TENT5D: variants seen among roughly 807,000 people sequenced by gnomAD.
TENT5D encodes the protein terminal nucleotidyltransferase 5D, also known as cancer/testis antigen 112.
For synonymous variants in TENT5D, 103 were observed against 100.6 expected, an observed-to-expected ratio of 1.02 and a Z score of -0.15; for missense variants, 191 against 287.0, an observed-to-expected ratio of 0.67 and a Z score of 2.42.
chrX:80,437,243 G>T (rs776791232), intron 1 of TENT5D, among the ~76,000 whole-genome samples: 1 of 111,936 alleles, frequency 8.9e-6, no homozygotes, highest in Non-Finnish European at 1.9e-5. Flanking sequence ...TCATCATGGA[G>T]CCAGACACAA....
intron 3 of TENT5D, among the ~76,000 whole-genome samples, chrX:80,360,753 A>T (rs959422138): frequency 8.9e-6 from 1 of 111,939 alleles, no homozygotes; most frequent in Non-Finnish European, 1.9e-5. Context: ...ATATTGGAAG[A>T]ACCAAGGAAA....
intron 3 of TENT5D, among the ~76,000 whole-genome samples, chrX:80,380,560 GTTAAACTCTCCCATTA>G (rs1930841609): frequency 9.0e-6 from 1 of 110,894 alleles, no homozygotes; most frequent in African/African-American, 3.3e-5. Context: ...ACAGTGGGGT[GTTAAACTCTCCCATTA>G]TTATTGTGTG....
intron 1 of TENT5D, among the ~76,000 whole-genome samples, chrX:80,422,471 C>CA (rs909481925): frequency 3.2e-4 from 35 of 108,251 alleles, no homozygotes; most frequent in South Asian, 4.0e-4. Flanking sequence ...GACTATGTCT[C>CA]AAAAAAAAAA....
chrX:80,434,949 A>AT (rs1322842667), intron 1 of TENT5D, among the ~76,000 whole-genome samples: 2 of 108,715 alleles, frequency 1.8e-5, no homozygotes, highest in African/African-American at 6.7e-5. Flanking sequence ...TGCCCAGCTA[A>AT]TTTTTTTGTA....
intron 2 of TENT5D, among the ~76,000 whole-genome samples, chrX:80,439,582 A>G (rs1226835675): frequency 3.6e-5 from 4 of 111,126 alleles, no homozygotes; most frequent in Non-Finnish European, 7.6e-5. Flanking sequence ...CACTGCATTG[A>G]TATTGTACAT....
At chrX:80,346,579 C>T (rs1930067164) in intron 3 of TENT5D, among the ~76,000 whole-genome samples, 2 of 111,793 alleles carry the variant, frequency 1.8e-5, no homozygotes, top group Non-Finnish European at 3.8e-5. Flanking sequence ...TTGCATTTAT[C>T]TAAAGGCTCA....
intron 3 of TENT5D, among the ~76,000 whole-genome samples, chrX:80,346,016 C>T (rs1930051409): frequency 8.9e-6 from 1 of 111,968 alleles, no homozygotes; most frequent in Non-Finnish European, 1.9e-5. Context: ...TATTTAATAA[C>T]CCTGTGTATA....
At chrX:80,439,532 C>G (rs936943974) in intron 2 of TENT5D, among the ~76,000 whole-genome samples, 5 of 111,139 alleles carry the variant, frequency 4.5e-5, no homozygotes, top group African/African-American at 1.6e-4. Context: ...TAAGATAAGT[C>G]CTATTACTTT....
At chrX:80,361,371 C>G (rs753990034) in intron 3 of TENT5D, among the ~76,000 whole-genome samples, 29 of 112,194 alleles carry the variant, frequency 2.6e-4, no homozygotes, top group African/African-American at 9.0e-4. Flanking sequence ...CCCCTAGGAG[C>G]AATGGTTCAG....
At chrX:80,442,869 C>G in exon 3 of TENT5D, 1 of 1,210,815 alleles carries the variant, frequency 8.3e-7, no homozygotes, top group East Asian at 3.0e-5. Context: ...GTCTACTTGA[C>G]TTTTTACCAA....
intron 1 of TENT5D, among the ~76,000 whole-genome samples, chrX:80,433,318 T>C (rs1050207410): frequency 4.2e-4 from 47 of 112,019 alleles, no homozygotes; most frequent in African/African-American, 1.5e-3. Context: ...CAAGTTTTCT[T>C]ATCTGTGCCT....
rs1298544743 is a variant in TENT5D, at chrX:80,423,707, GA to G, written c.-142+3156del. 6.6e-3 allele frequency among the ~76,000 whole-genome samples: 633 copies of G among 96,583 alleles called. 8 individuals are homozygous for G. Among genetic ancestry groups the G allele is most frequent in the African/African-American group, 0.021 (572 of 26,675 alleles). 83.9% of individuals were successfully genotyped at this position (96,583 alleles called of 115,157 possible). Reference sequence around the variant, plus strand: ...TACGGTTTAAAGCATGTTTAGAAAAGAAAAAAAAAAAAGTGCCCACCAGAAC... The same window carrying G: ...TACGGTTTAAAGCATGTTTAGAAAAGAAAAAAAAAAAGTGCCCACCAGAAC... On this transcript the variant is annotated intron_variant, in intron 1 of 2. Coordinates refer to ENST00000308293, the Ensembl canonical transcript of TENT5D.
At chrX:80,367,217 A>G (rs905925773) in intron 3 of TENT5D, among the ~76,000 whole-genome samples, 4 of 111,715 alleles carry the variant, frequency 3.6e-5, no homozygotes, top group African/African-American at 9.7e-5. Flanking sequence ...TTGTCTTAAC[A>G]TTAACAGTTC....
Position 80,389,771 on chromosome X carries a change from G to A in TENT5D, c.-142+47207G>A, listed in dbSNP as rs989353596. ...GAAGGTCACTGGGAAACGTTTTAGT[G>A]GAGTGATGTGAAGAAATAAAATGGA... On this transcript the variant is annotated intron_variant, in intron 3 of 4. Transcript: ENST00000538312. Among the ~76,000 whole-genome samples, 10 of 111,973 alleles carry A rather than the reference G, an allele frequency of 8.9e-5. No individual in the cohort carries two copies. In the South Asian group the frequency reaches 3.3e-3, roughly 37 times the overall value.
At chrX:80,434,350 T>G (rs1437739684) in intron 1 of TENT5D, among the ~76,000 whole-genome samples, 3 of 111,191 alleles carry the variant, frequency 2.7e-5, no homozygotes, top group Non-Finnish European at 5.7e-5. Context: ...GCCCTCCTCC[T>G]CCCAGCATGG....
chrX:80,421,352 AT>A (rs779922591), intron 1 of TENT5D, among the ~76,000 whole-genome samples: 3 of 109,454 alleles, frequency 2.7e-5, no homozygotes, highest in South Asian at 3.9e-4. Context: ...CACCCAGCTA[AT>A]TTTTTTTTGT....
chrX:80,435,962 A>G (rs1263306651), intron 1 of TENT5D, among the ~76,000 whole-genome samples: 1 of 112,175 alleles, frequency 8.9e-6, no homozygotes, highest in Non-Finnish European at 1.9e-5. Context: ...ACAACCATAG[A>G]TAAAGTATCT....
chrX:80,405,546 C>A (rs1044059839), intron 3 of TENT5D, among the ~76,000 whole-genome samples: 2 of 112,146 alleles, frequency 1.8e-5, no homozygotes, highest in African/African-American at 6.5e-5. Flanking sequence ...CTTTTCGGAC[C>A]GGCTTAAAAA....
chrX:80,405,935 C>A lies in TENT5D; in HGVS notation c.-141-32675C>A, dbSNP rs768052766. Among the ~76,000 whole-genome samples, 47 of 109,763 alleles carry A rather than the reference C, an allele frequency of 4.3e-4. 2 individuals carry two copies. In the South Asian group the frequency reaches 0.019, roughly 44 times the overall value. ...GGCAGACTGCCTCCTCAAGTGGGTCCCTGACCCCTGACCCCCGAGCAGCCT... is the reference window on the plus strand; with the variant it reads ...GGCAGACTGCCTCCTCAAGTGGGTCACTGACCCCTGACCCCCGAGCAGCCT... On this transcript the variant is annotated intron_variant, in intron 3 of 4. Coordinates refer to the TENT5D transcript ENST00000538312.
Sources: allele counts gnomAD v4.1 joint callset (sites outside exome capture counted in the v4.1 genomes callset), GRCh38; gene constraint gnomAD v4.1.1; transcripts MANE v1.5; gene names NCBI Gene and HGNC (gene_info 2026-07-23, HGNC 2026-07-21).